Variants in RANBP17 observed in about 807,000 individuals in gnomAD.
The protein encoded by RANBP17 is ran-binding protein 17.
Under a neutral mutation model 141.2 loss-of-function variants are expected in RANBP17, and 158 were observed. That is an observed-to-expected ratio of 1.12 (90% confidence interval 0.98 to 1.28). RANBP17 has a LOEUF of 1.28. Among genes scored for constraint, RANBP17 ranks in the 50% most tolerant of loss-of-function variants. The pLI is 0.00. For missense variants in RANBP17, 1,438 were observed against 1,290.7 expected (o/e 1.11, Z -1.75); for synonymous variants, 430 against 450.0 (o/e 0.96, Z 0.56).
At chr5:170,878,348 GT>G in intron 2 of RANBP17, 105 bp downstream of exon 2, 8 of 971,910 alleles carry the variant, frequency 8.2e-6, no homozygotes, top group South Asian at 3.3e-5. Context: ...TTGCCACATG[GT>G]TTTTTTGTTT....
At chr5:171,221,143 G>C (rs752648667) in intron 21 of RANBP17, among the ~76,000 whole-genome samples, 2 of 152,124 alleles carry the variant, frequency 1.3e-5, no homozygotes, top group Non-Finnish European at 2.9e-5. Context: ...GTTCACACTT[G>C]CCCAACCCCA....
chr5:170,944,166 A>G (rs975294966), intron 12 of RANBP17, among the ~76,000 whole-genome samples: 1 of 152,188 alleles, frequency 6.6e-6, no homozygotes. Context: ...ACTGTTTTGA[A>G]CACTGTGAGT....
chr5:171,239,369 G>C (rs1022455353), intron 22 of RANBP17, among the ~76,000 whole-genome samples: 2 of 152,174 alleles, frequency 1.3e-5, no homozygotes, highest in African/African-American at 4.8e-5. Flanking sequence ...TCTGCTAGAA[G>C]TATTGGTCCT....
chr5:171,049,491 A>G (rs1327679600), intron 14 of RANBP17, among the ~76,000 whole-genome samples: 2 of 152,118 alleles, frequency 1.3e-5, no homozygotes, highest in Non-Finnish European at 2.9e-5. Flanking sequence ...TCATTTGACA[A>G]TTTTTGATTT....
Position 170,911,063 on chromosome 5 carries a change from T to G in RANBP17, c.689T>G (p.Phe230Cys). ...GTCCTTAACTGCCTTAACTTTGACT[T>G]CATTGGCAGTTCAGCAGATGAATCT... Reference protein sequence around the residue: ...KLVLNCLNFDFIGSSADESAD... With the variant: ...KLVLNCLNFDCIGSSADESAD... The change falls in exon 7 of 28, where the codon TTC becomes TGC. Residue 230 changes from phenylalanine to cysteine, a missense_variant. Phe to Cys is a radical substitution (Grantham distance 205, BLOSUM62 -2). Transcript: ENST00000523189. 1 of 1,612,102 alleles carries G rather than the reference T, an allele frequency of 6.2e-7. No individual in the cohort carries two copies. Among genetic ancestry groups the G allele is most frequent in the Non-Finnish European group, 8.5e-7 (1 of 1,178,668 alleles).
chr5:171,218,119 A>T (rs2127977766), intron 21 of RANBP17, among the ~76,000 whole-genome samples: 1 of 151,970 alleles, frequency 6.6e-6, no homozygotes, highest in Non-Finnish European at 1.5e-5. Context: ...TAAGGAACTA[A>T]TTTTTTTCTG....
intron 22 of RANBP17, among the ~76,000 whole-genome samples, chr5:171,235,394 C>A (rs1764480166): frequency 6.9e-6 from 1 of 144,600 alleles, no homozygotes. Flanking sequence ...CAATAGCAAA[C>A]AAACAAACAA....
intron 14 of RANBP17, among the ~76,000 whole-genome samples, chr5:171,096,846 T>TA (rs1786729264): frequency 6.6e-6 from 1 of 152,106 alleles, no homozygotes; most frequent in African/African-American, 2.4e-5. Flanking sequence ...ACAACAAAAC[T>TA]CTGTGAAGAA....
At chr5:171,061,774 C>A (rs1783880298) in intron 14 of RANBP17, among the ~76,000 whole-genome samples, 1 of 152,156 alleles carries the variant, frequency 6.6e-6, no homozygotes, top group African/African-American at 2.4e-5. Flanking sequence ...GTTAAAATCT[C>A]CCATTATTAA....
At chr5:170,961,308 G>T (rs565116057) in intron 13 of RANBP17, among the ~76,000 whole-genome samples, 155 of 152,218 alleles carry the variant, frequency 1.0e-3, no homozygotes, top group African/African-American at 3.6e-3. Context: ...CTGAATAAAT[G>T]CTTATTTAGT....
chr5:171,265,747 T>C lies in RANBP17; in HGVS notation c.2843T>C (p.Ile948Thr). ...DYIVTYLFKH[I>T]AKEGKKPLRC... ...ATCGTCACCTACCTCTTCAAGCACA[T>C]AGCAAAAGAGGGCAAGAAGCCACTT... The change falls in exon 25 of 28, where the codon ATA becomes ACA. Residue 948 changes from isoleucine (I) to threonine (T), a missense_variant. Physicochemically the swap from Ile to Thr is moderately conservative, Grantham distance 89. Transcript: ENST00000523189. The C allele has an allele frequency of 6.2e-7, 1 of 1,614,094 alleles. No individual in the cohort carries two copies. Among genetic ancestry groups the C allele is most frequent in the Non-Finnish European group, 8.5e-7 (1 of 1,179,996 alleles).
chr5:170,953,726 C>G, intron 13 of RANBP17, 24 bp downstream of exon 13: 1 of 1,432,952 alleles, frequency 7.0e-7, no homozygotes, highest in South Asian at 1.2e-5. Flanking sequence ...ATGTAATTTA[C>G]TGAAATTCAC....
At chr5:171,183,487 T>G (rs779885687) in intron 18 of RANBP17, 57 bp downstream of exon 18, 98 of 1,188,594 alleles carry the variant, frequency 8.2e-5, no homozygotes, top group African/African-American at 1.7e-4. Context: ...CTTGTGTGAA[T>G]AAAGAAGTGG....
intron 25 of RANBP17, among the ~76,000 whole-genome samples, chr5:171,276,099 C>T (rs900396542): frequency 6.6e-6 from 1 of 152,196 alleles, no homozygotes; most frequent in East Asian, 1.9e-4. Flanking sequence ...CTGGCACCTG[C>T]TACTGGTGCA....
chr5:171,064,826 G>C (rs1784201559), intron 14 of RANBP17, among the ~76,000 whole-genome samples: 1 of 151,244 alleles, frequency 6.6e-6, no homozygotes, highest in African/African-American at 2.4e-5. Context: ...CAGCCTCCCT[G>C]CCCATTTTTC....
At chr5:170,980,637 A>C (rs1448493391) in intron 14 of RANBP17, among the ~76,000 whole-genome samples, 1 of 152,232 alleles carries the variant, frequency 6.6e-6, no homozygotes, top group Non-Finnish European at 1.5e-5. Flanking sequence ...CTGCAAATGC[A>C]CAGAAGTCAA....
intron 14 of RANBP17, among the ~76,000 whole-genome samples, chr5:171,007,063 T>C (rs114083496): frequency 0.015 from 2,320 of 152,016 alleles, 51 homozygotes; most frequent in African/African-American, 0.052. Flanking sequence ...CAGTGTGAGA[T>C]TGGGCTAGAG....
chr5:171,208,475 C>T (rs1762699209), intron 20 of RANBP17, among the ~76,000 whole-genome samples: 1 of 152,144 alleles, frequency 6.6e-6, no homozygotes. Context: ...TTAAAATTTT[C>T]CTAGATCATA....
In RANBP17 at chr5:170,901,887, T is replaced by C. The variant is rs531697968; in HGVS notation, c.489+5772T>C. Among the ~76,000 whole-genome samples, 11 of 152,338 alleles carry C rather than the reference T, an allele frequency of 7.2e-5. No homozygotes were observed. In the East Asian group the frequency reaches 2.1e-3, roughly 29 times the overall value. On this transcript the variant is annotated intron_variant, in intron 5 of 27. Coordinates refer to ENST00000523189, the MANE Select transcript of RANBP17 (RefSeq NM_022897.5). ...GGCTTGTAGGGTTTCTGCAGAGAGA[T>C]CTGCTGTTAGTCTGATGGGCTTCTC...
Sources: allele counts gnomAD v4.1 joint callset (sites outside exome capture counted in the v4.1 genomes callset), GRCh38; gene constraint gnomAD v4.1.1; transcripts MANE v1.5; gene names NCBI Gene and HGNC (gene_info 2026-07-23, HGNC 2026-07-21).